The following COL5A1 variants were observed in gnomAD, a reference collection of about 807,000 sequenced individuals.
COL5A1 encodes the protein collagen alpha-1(V) chain.
COL5A1 carries 16 observed loss-of-function variants against 263.7 expected under a neutral mutation model. The ratio of observed to expected loss-of-function variants is 0.06; its 90% CI spans 0.04 to 0.09. COL5A1 has a LOEUF of 0.09. COL5A1 is among the 10% of genes least tolerant of loss of function. The pLI is 1.00. For missense variants in COL5A1, 2,036 were observed against 2,540.5 expected (o/e 0.80, Z 4.27); for synonymous variants, 1,012 against 1,004.5 (o/e 1.01, Z -0.14).
chr9:134,682,821 G>A lies in COL5A1; in HGVS notation c.110-8091G>A, dbSNP rs1050607748. Among the ~76,000 whole-genome samples the A allele has an allele frequency of 6.6e-6, 1 of 152,232 alleles. No homozygotes were observed. Among genetic ancestry groups the A allele is most frequent in the Non-Finnish European group, 1.5e-5 (1 of 68,048 alleles). On this transcript the variant is annotated intron_variant, in intron 1 of 65. Coordinates refer to ENST00000371817, the MANE Select transcript of COL5A1 (RefSeq NM_000093.5). This position sits in a 1 kb window ranked among gnomAD's most constrained non-coding sequence, Gnocchi z 5.1. Reference sequence around the variant, plus strand: ...TGGCAAAAAGGAGCAGGCTCTGATGGATCGCAAATGCCCAGCCTTTGGGAG... The same window carrying A: ...TGGCAAAAAGGAGCAGGCTCTGATGAATCGCAAATGCCCAGCCTTTGGGAG...
intron 32 of COL5A1, 69 bp from the exon 33 acceptor site, chr9:134,795,013 G>A (rs1837845062): frequency 2.6e-6 from 4 of 1,548,436 alleles, no homozygotes; most frequent in Non-Finnish European, 3.6e-6. Context: ...AATAACCCGG[G>A]AGACAGCTGC....
Position 134,686,345 on chromosome 9 carries a change from C to T in COL5A1, c.110-4567C>T, listed in dbSNP as rs1424553498. 6.6e-6 allele frequency among the ~76,000 whole-genome samples: 1 copy of T among 152,134 alleles called. No homozygotes were observed. The highest frequency in any genetic ancestry group is 1.5e-5 in the Non-Finnish European group (1 of 68,028). ...CCTGGCTTACTGCAACCTCCACCAC[C>T]CAGGGTCAAACGAGCCTCACACCTC... On this transcript the variant is annotated intron_variant, in intron 1 of 65. Transcript: ENST00000371817. This position sits in a 1 kb window ranked among gnomAD's most constrained non-coding sequence, Gnocchi z 4.6.
rs190861034 is a variant in COL5A1, at chr9:134,727,152, G to A, written c.655-114G>A. 111 of 1,110,886 alleles carry A rather than the reference G, an allele frequency of 1.0e-4. 1 individual carries two copies. The East Asian group carries it at 1.9e-3, about 19-fold the overall frequency. The allele number at this position is 1,110,886 out of a possible 1,614,324, so 68.8% of individuals were successfully genotyped here. A position where few individuals can be genotyped will look rare whatever the true frequency, so the allele number is the denominator to read the frequency against. On this transcript the variant is annotated intron_variant, in intron 4 of 65. Coordinates refer to ENST00000371817, the MANE Select transcript of COL5A1 (RefSeq NM_000093.5). ...AATGTTTGGCTCTGAGGACAAGCTCGTCTTGTGGCTTGGTCTGGACTTTCC... is the reference window on the plus strand; with the variant it reads ...AATGTTTGGCTCTGAGGACAAGCTCATCTTGTGGCTTGGTCTGGACTTTCC...
intron 11 of COL5A1, 124 bp downstream of exon 11, chr9:134,738,932 C>T (rs984853943): frequency 3.9e-6 from 3 of 765,960 alleles, no homozygotes; most frequent in Non-Finnish European, 6.8e-6. Context: ...GTCTTCAAAT[C>T]CCCCCTCACC....
chr9:134,784,609 G>T (rs1837382759), intron 29 of COL5A1, among the ~76,000 whole-genome samples: 1 of 152,252 alleles, frequency 6.6e-6, no homozygotes, highest in Non-Finnish European at 1.5e-5. Context: ...GCAGCTCCCA[G>T]TCACTCTGCT....
chr9:134,758,378 C>A lies in COL5A1; in HGVS notation c.1935+82C>A. ...GGGAGGCCCTTCTCCTTCCAGGCAG[C>A]CTCAGATTTCCTGTGGGGTCAGGTC... On this transcript the variant is annotated intron_variant, in intron 18 of 65. Transcript: ENST00000371817. This position sits in a 1 kb window ranked among gnomAD's most constrained non-coding sequence, Gnocchi z 4.1. The A allele has an allele frequency of 7.1e-7, 1 of 1,414,618 alleles. No homozygotes were observed. The highest frequency in any genetic ancestry group is 1.0e-6 in the Non-Finnish European group (1 of 1,002,542). The allele number at this position is 1,414,618 out of a possible 1,614,324, so 87.6% of individuals were successfully genotyped here.
At chr9:134,733,970 C>G (rs1834999337) in intron 9 of COL5A1, among the ~76,000 whole-genome samples, 1 of 152,186 alleles carries the variant, frequency 6.6e-6, no homozygotes, top group South Asian at 2.1e-4. Flanking sequence ...GCAGGTGCCC[C>G]TGGCTCTGCA....
chr9:134,794,008 A>G lies in COL5A1; in HGVS notation c.2701-1074A>G, dbSNP rs952293583. On this transcript the variant is annotated intron_variant, in intron 32 of 65. Coordinates refer to ENST00000371817, the MANE Select transcript of COL5A1 (RefSeq NM_000093.5). The surrounding 1 kb of genome is among the most constrained non-coding windows in gnomAD (Gnocchi z 4.3). ...TATCTGATGGCCTCCAGCCATACAGATCCACCTTGGGCGGAGCATCAGAAA... is the reference window on the plus strand; with the variant it reads ...TATCTGATGGCCTCCAGCCATACAGGTCCACCTTGGGCGGAGCATCAGAAA... Among the ~76,000 whole-genome samples, 1 of 152,182 alleles carries G rather than the reference A, an allele frequency of 6.6e-6. No individual in the cohort carries two copies. Among genetic ancestry groups the G allele is most frequent in the Non-Finnish European group, 1.5e-5 (1 of 68,028 alleles).
intron 2 of COL5A1, among the ~76,000 whole-genome samples, chr9:134,692,352 C>T (rs968960822): frequency 2.0e-5 from 3 of 152,182 alleles, no homozygotes; most frequent in Non-Finnish European, 2.9e-5. Flanking sequence ...AGGACTGCAG[C>T]GGTTTCGTTT....
rs763779164 is a variant in COL5A1 at position 134,686,799 on chromosome 9, C to G, written c.110-4113C>G. ...AGCGAGGCTGTGCAGGATGCCTGAC[C>G]CCTAGGTGCTGGGGGTAAACACTTC... On this transcript the variant is annotated intron_variant, in intron 1 of 65. Coordinates refer to ENST00000371817, the MANE Select transcript of COL5A1 (RefSeq NM_000093.5). The surrounding 1 kb of genome is among the most constrained non-coding windows in gnomAD (Gnocchi z 4.6). 2.0e-5 allele frequency among the ~76,000 whole-genome samples: 3 copies of G among 152,092 alleles called. No individual in the cohort carries two copies. The highest frequency in any genetic ancestry group is 4.4e-5 in the Non-Finnish European group (3 of 68,024).
At chr9:134,726,469 G>C (rs1284693847) in intron 4 of COL5A1, among the ~76,000 whole-genome samples, 1 of 152,150 alleles carries the variant, frequency 6.6e-6, no homozygotes, top group Non-Finnish European at 1.5e-5. Context: ...TGGATGGATG[G>C]GTGAATGGGT....
chr9:134,779,784 A>G (rs751267316), intron 27 of COL5A1, among the ~76,000 whole-genome samples: 3 of 152,154 alleles, frequency 2.0e-5, no homozygotes, highest in Admixed American at 1.3e-4. Context: ...TGATGCTATA[A>G]TGGGAAGCAG....
rs1833645185 is a variant in COL5A1 at position 134,700,801 on chromosome 9, C to T, written c.492-370C>T. On this transcript the variant is annotated intron_variant, in intron 3 of 65. Coordinates refer to ENST00000371817, the MANE Select transcript of COL5A1 (RefSeq NM_000093.5). The surrounding 1 kb of genome is among the most constrained non-coding windows in gnomAD (Gnocchi z 4.0). ...GCAAAATACAACGGCCGCCGCCCTG[C>T]CATTCTCCCGATGGCTGTGACCGCA... Among the ~76,000 whole-genome samples, 1 of 152,206 alleles carries T rather than the reference C, an allele frequency of 6.6e-6. No individual in the cohort carries two copies. Among genetic ancestry groups the T allele is most frequent in the South Asian group, 2.1e-4 (1 of 4,830 alleles).
chr9:134,783,115 C>T (rs62571362), intron 29 of COL5A1, among the ~76,000 whole-genome samples: 3,097 of 152,320 alleles, frequency 0.02, 33 homozygotes, highest in East Asian at 0.035. Flanking sequence ...CCCAGCCTAC[C>T]GAAGGAGCGC....
At chr9:134,669,789 G>A (rs1472941818) in intron 1 of COL5A1, among the ~76,000 whole-genome samples, 1 of 152,178 alleles carries the variant, frequency 6.6e-6, no homozygotes, top group African/African-American at 2.4e-5. Flanking sequence ...GATGGGAGGG[G>A]AGAAGTGAGG....
At position 134,760,085 on chromosome 9, in the gene COL5A1, TAC is replaced by T. The variant is rs556645528; in HGVS notation, c.1935+1792_1935+1793del. On this transcript the variant is annotated intron_variant, in intron 18 of 65. Coordinates refer to ENST00000371817, the MANE Select transcript of COL5A1 (RefSeq NM_000093.5). ...CCACACTCATACATGCACACACGCA[TAC>T]ACGCCCACACACCCCCACACTCATA... Among the ~76,000 whole-genome samples the T allele has an allele frequency of 1.6e-4, 7 of 42,476 alleles. No homozygotes were observed. The East Asian group carries it at 7.5e-3, about 45-fold the overall frequency. The allele number at this position is 42,476 out of a possible 152,430, so 27.9% of individuals were successfully genotyped here. A position where few individuals can be genotyped will look rare whatever the true frequency, so the allele number is the denominator to read the frequency against.
At chr9:134,725,761 G>A (rs142018921) in intron 4 of COL5A1, among the ~76,000 whole-genome samples, 66 of 152,320 alleles carry the variant, frequency 4.3e-4, no homozygotes, top group Non-Finnish European at 7.4e-4. Flanking sequence ...GGGTTCATCC[G>A]CCTTGTAGTG....
At chr9:134,747,699 A>G (rs969623106) in intron 11 of COL5A1, among the ~76,000 whole-genome samples, 1 of 152,116 alleles carries the variant, frequency 6.6e-6, no homozygotes, top group African/African-American at 2.4e-5. Context: ...AAACACATGC[A>G]CACATGCATT....
chr9:134,839,191 A>G (rs1839941897), intron 65 of COL5A1, among the ~76,000 whole-genome samples: 3 of 152,194 alleles, frequency 2.0e-5, no homozygotes, highest in African/African-American at 7.2e-5. Context: ...GGCCCAGTGG[A>G]GAGGCACAAA....
Sources: gnomAD v4.1 joint callset for allele counts (sites outside exome capture counted in the v4.1 genomes callset) on GRCh38, gnomAD v4.1.1 for gene constraint, Gnocchi (gnomAD v3.1) non-coding constraint, MANE v1.5 for transcripts, NCBI Gene and HGNC (gene_info 2026-07-23, HGNC 2026-07-21) for gene names.